L3HYPDH: variants seen among roughly 807,000 people sequenced by gnomAD.
L3HYPDH encodes trans-L-3-hydroxyproline dehydratase.
A neutral mutation model predicts 26.5 loss-of-function variants in L3HYPDH; 32 were observed. The observed-to-expected ratio is 1.21, with a 90% confidence interval of 0.91 to 1.62. The LOEUF (loss-of-function observed/expected upper bound fraction) is 1.62. L3HYPDH is among the 40% of genes most tolerant of loss of function. The pLI, the probability that L3HYPDH is intolerant of heterozygous loss-of-function variation, is 0.00. For missense variants in L3HYPDH, 554 were observed against 476.4 expected, an observed-to-expected ratio of 1.16 and a Z score of -1.52; for synonymous variants, 215 against 196.6, an observed-to-expected ratio of 1.09 and a Z score of -0.78.
chr14:59,471,799 C>G (rs1163781778), downstream of L3HYPDH, among the ~76,000 whole-genome samples: 1 of 152,056 alleles, frequency 6.6e-6, no homozygotes, highest in Admixed American at 6.5e-5. Flanking sequence ...TATAGCAAAT[C>G]TGATCTGCAA....
downstream of L3HYPDH, among the ~76,000 whole-genome samples, chr14:59,467,916 G>A (rs1403575482): frequency 6.6e-6 from 1 of 152,202 alleles, no homozygotes; most frequent in Non-Finnish European, 1.5e-5. Context: ...ATGGATTTTA[G>A]TTGCGGACTA....
In L3HYPDH at chr14:59,483,876, T is replaced by C. The variant is rs1410688984; in HGVS notation, c.441A>G (p.Ala147=). The change falls in exon 1 of 5, where the codon GCA becomes GCG. Residue 147 remains alanine (A), a synonymous_variant. Coordinates refer to ENST00000247194, the MANE Select transcript of L3HYPDH (RefSeq NM_144581.2). ...CPCGLVTAFV[A]CEDGRSHGPV... ...GTCCGTGGCTGCGGCCGTCCTCGCA[T>C]GCCACGAAGGCGGTCACCAGCCCGC... 2 of 1,578,168 alleles carry C rather than the reference T, an allele frequency of 1.3e-6. No homozygotes were observed. The highest frequency in any genetic ancestry group is 1.8e-5 in the Admixed American group (1 of 56,916).
chr14:59,470,792 G>A (rs1889288554), downstream of L3HYPDH, among the ~76,000 whole-genome samples: 1 of 152,172 alleles, frequency 6.6e-6, no homozygotes, highest in South Asian at 2.1e-4. Context: ...TGTTCCCAAT[G>A]AGGAGACAGT....
rs370183216 is a variant in L3HYPDH at position 59,476,168 on chromosome 14, C to A, written c.725G>T (p.Gly242Val). Reference protein sequence around the residue: ...PDSEDLAFLYGTILTDGKDAY... With the variant: ...PDSEDLAFLYVTILTDGKDAY... ...ATCTTTTCCATCTGTTAATATAGTTCCATATAAAAAGGCAAGGTCTTCACT... is the reference window on the plus strand; with the variant it reads ...ATCTTTTCCATCTGTTAATATAGTTACATATAAAAAGGCAAGGTCTTCACT... Residue 242 changes from glycine (G) to valine (V), a missense_variant, in exon 3 of 5, where the codon GGA (glycine) becomes GTA (valine). Transcript: ENST00000247194. 1.9e-6 allele frequency: 3 copies of A among 1,612,662 alleles called. No individual in the cohort carries two copies. The African/African-American group carries it at 4.0e-5, about 22-fold the overall frequency.
chr14:59,491,595 G>T, the L3HYPDH span, among the ~76,000 whole-genome samples: 5 of 152,334 alleles, frequency 3.3e-5, no homozygotes, highest in South Asian at 1.0e-3. Flanking sequence ...CAGGAGTTCT[G>T]TTTCCAACAA....
chr14:59,476,594 T>C (rs906745363), intron 2 of L3HYPDH, among the ~76,000 whole-genome samples: 4 of 152,194 alleles, frequency 2.6e-5, no homozygotes, highest in Non-Finnish European at 4.4e-5. Flanking sequence ...AAGGCAATCA[T>C]AGTCTTATTC....
the L3HYPDH span, chr14:59,500,872 A>C: frequency 5.1e-6 from 1 of 196,382 alleles, no homozygotes; most frequent in Non-Finnish European, 1.0e-5. Flanking sequence ...TGAGTATGAA[A>C]CGTATGTTTT....
At chr14:59,503,233 T>C in the L3HYPDH span, among the ~76,000 whole-genome samples, 3 of 152,182 alleles carry the variant, frequency 2.0e-5, no homozygotes, top group Admixed American at 2.0e-4. Context: ...GTTGATGAGC[T>C]GTTTAATAAG....
chr14:59,483,712 G>A (rs1890234632), intron 1 of L3HYPDH, 97 bp downstream of exon 1: 2 of 1,515,458 alleles, frequency 1.3e-6, no homozygotes, highest in African/African-American at 2.8e-5. Flanking sequence ...CGCGGAGTAG[G>A]TTAGTTGCCA....
chr14:59,504,465 C>T, the L3HYPDH span: 1 of 165,544 alleles, frequency 6.0e-6, no homozygotes, highest in Non-Finnish European at 1.3e-5. Flanking sequence ...TGTTGTGTTT[C>T]AGTTTGTTTT....
At chr14:59,496,903 A>G in the L3HYPDH span, among the ~76,000 whole-genome samples, 2 of 152,104 alleles carry the variant, frequency 1.3e-5, no homozygotes, top group African/African-American at 4.8e-5. Flanking sequence ...GTTTAGGCAT[A>G]TTATTTATTT....
At chr14:59,487,485 T>C, upstream of L3HYPDH, 1 of 463,422 alleles carries the variant, frequency 2.2e-6, no homozygotes, top group Non-Finnish European at 3.8e-6. Flanking sequence ...CTAAGAGCAT[T>C]GTACAAATAT....
At chr14:59,498,844 T>A in the L3HYPDH span, 1 of 1,612,846 alleles carries the variant, frequency 6.2e-7, no homozygotes, top group East Asian at 2.2e-5. Flanking sequence ...TTAAAAGTAT[T>A]TATGCTGCAC....
At chr14:59,476,295 G>T in intron 2 of L3HYPDH, 81 bp from the exon 3 acceptor site, 2 of 1,056,832 alleles carry the variant, frequency 1.9e-6, no homozygotes, top group Non-Finnish European at 2.7e-6. Context: ...GTCATTCTTA[G>T]ACATAACTTT....
chr14:59,491,270 G>C, the L3HYPDH span, among the ~76,000 whole-genome samples: 1 of 152,196 alleles, frequency 6.6e-6, no homozygotes, highest in Non-Finnish European at 1.5e-5. Flanking sequence ...AAGTCATTTA[G>C]CATGGCCAGG....
At chr14:59,503,942 C>T in the L3HYPDH span, 1 of 1,613,486 alleles carries the variant, frequency 6.2e-7, no homozygotes, top group Non-Finnish European at 8.5e-7. Context: ...ATCTCCATTT[C>T]CAGAGTGGAT....
Position 59,483,809 on chromosome 14 carries a change from C to G in L3HYPDH, c.508G>C (p.Asp170His). 1 of 1,593,140 alleles carries G rather than the reference C, an allele frequency of 6.3e-7. No individual in the cohort carries two copies. Residue 170 changes from aspartate to histidine, a missense_variant and splice_region_variant, in exon 1 of 5, where the codon GAT becomes CAT. Coordinates refer to ENST00000247194, the MANE Select transcript of L3HYPDH (RefSeq NM_144581.2). ...HSVPAFVLAT[D>H]LMVDVPGHGK... ...GGGCTGGAAAGGTCCCGCCCATTAC[C>G]TGTGGCCAGCACGAAGGCCGGGACG...
At chr14:59,501,113 T>G in the L3HYPDH span, 2 of 922,422 alleles carry the variant, frequency 2.2e-6, no homozygotes, top group South Asian at 1.5e-5. Context: ...CTAAGGAAAA[T>G]TACTATTTGA....
intron 2 of L3HYPDH, among the ~76,000 whole-genome samples, chr14:59,477,523 C>A (rs1889719924): frequency 6.6e-6 from 1 of 152,114 alleles, no homozygotes; most frequent in African/African-American, 2.4e-5. Context: ...ATGAGAAGTA[C>A]AAAATTACAC....
Sources: gnomAD v4.1 joint callset for allele counts (sites outside exome capture counted in the v4.1 genomes callset) on GRCh38, gnomAD v4.1.1 for gene constraint, MANE v1.5 for transcripts, NCBI Gene and HGNC (gene_info 2026-07-23, HGNC 2026-07-21) for gene names.